The following TBL1X variants were observed in gnomAD, a reference collection of about 807,000 sequenced individuals.
TBL1X encodes the protein transducin beta like 1 X-linked, also known as F-box-like/WD repeat-containing protein TBL1X.
Under a neutral mutation model 50.7 loss-of-function variants are expected in TBL1X, and 10 were observed. The ratio of observed to expected loss-of-function variants is 0.20; its 90% CI spans 0.12 to 0.33. TBL1X has a LOEUF of 0.33. TBL1X is among the 10% of genes least tolerant of loss of function. The pLI, the probability that TBL1X is intolerant of heterozygous loss-of-function variation, is 1.00. For synonymous variants in TBL1X, 190 were observed against 214.7 expected (o/e 0.88, Z 1.01); for missense variants, 340 against 504.4 (o/e 0.67, Z 3.12).
At chrX:9,591,783 T>C (rs889803373) in intron 2 of TBL1X, among the ~76,000 whole-genome samples, 7 of 111,654 alleles carry the variant, frequency 6.3e-5, no homozygotes, top group Middle Eastern at 4.7e-3. Flanking sequence ...GAGGAAGGCA[T>C]CCTTGGCTAA....
At chrX:9,709,585 G>A (rs746708481) in intron 14 of TBL1X, 48 bp from the exon 15 acceptor site, 7 of 1,199,171 alleles carry the variant, frequency 5.8e-6, no homozygotes, top group Admixed American at 4.4e-5. Flanking sequence ...CATCGTTCCC[G>A]GATGCAGGAA....
chrX:9,551,925 G>GC (rs1446489523), intron 2 of TBL1X, among the ~76,000 whole-genome samples: 1 of 111,983 alleles, frequency 8.9e-6, no homozygotes, highest in Non-Finnish European at 1.9e-5. Flanking sequence ...AGGGGGCAGA[G>GC]CTAGTGCAGG....
chrX:9,673,891 A>G (rs1379802508), intron 5 of TBL1X, among the ~76,000 whole-genome samples: 1 of 111,277 alleles, frequency 9.0e-6, no homozygotes, highest in Non-Finnish European at 1.9e-5. Flanking sequence ...ACATAGTGAA[A>G]CCCCATCTCT....
At chrX:9,565,227 G>C in intron 2 of TBL1X, among the ~76,000 whole-genome samples, 1 of 88,771 alleles carries the variant, frequency 1.1e-5, no homozygotes. Flanking sequence ...AGCCAAGATG[G>C]CGCCACTGCA....
At chrX:9,698,366 C>T (rs1365165210) in intron 12 of TBL1X, among the ~76,000 whole-genome samples, 6 of 111,452 alleles carry the variant, frequency 5.4e-5, no homozygotes, top group Non-Finnish European at 1.1e-4. Flanking sequence ...ACTCAACATA[C>T]TCACAGCTAA....
At chrX:9,657,165 C>G (rs898716547) in intron 5 of TBL1X, among the ~76,000 whole-genome samples, 3 of 112,003 alleles carry the variant, frequency 2.7e-5, no homozygotes, top group African/African-American at 9.7e-5. Flanking sequence ...CCCTCCTTAC[C>G]TGTGTGTGGC....
chrX:9,693,440 C>T (rs1201939563), intron 11 of TBL1X, 21 bp downstream of exon 11: 3 of 1,161,479 alleles, frequency 2.6e-6, no homozygotes, highest in Admixed American at 4.5e-5. Context: ...GCTGAAAATA[C>T]ATCCCTTTGA....
At chrX:9,698,185 G>A (rs1279253721) in intron 12 of TBL1X, among the ~76,000 whole-genome samples, 1 of 111,315 alleles carries the variant, frequency 9.0e-6, no homozygotes, top group Non-Finnish European at 1.9e-5. Flanking sequence ...CTTAAGGTTT[G>A]CAAGATAGAG....
intron 2 of TBL1X, among the ~76,000 whole-genome samples, chrX:9,560,154 C>T (rs5979116): frequency 0.014 from 1,586 of 112,061 alleles, 22 homozygotes; most frequent in African/African-American, 0.049. Context: ...TGGAGTTCCA[C>T]GACAAAGGCA....
intron 5 of TBL1X, among the ~76,000 whole-genome samples, chrX:9,682,824 A>G (rs2083033490): frequency 8.9e-6 from 1 of 112,038 alleles, no homozygotes; most frequent in Non-Finnish European, 1.9e-5. Flanking sequence ...CCAGGGAGGT[A>G]GAGTGGCTGC....
At chrX:9,547,949 A>G (rs1413032734) in intron 2 of TBL1X, among the ~76,000 whole-genome samples, 1 of 98,037 alleles carries the variant, frequency 1.0e-5, no homozygotes, top group Non-Finnish European at 2.0e-5. Flanking sequence ...TCTGCTGCCT[A>G]CAGCAACAAC....
At chrX:9,634,133 G>A (rs776568268) in intron 2 of TBL1X, among the ~76,000 whole-genome samples, 1 of 111,659 alleles carries the variant, frequency 9.0e-6, no homozygotes, top group African/African-American at 3.3e-5. Context: ...CACTCACGAC[G>A]CACAATAGCT....
At chrX:9,600,466 G>GGGC (rs1368593535) in intron 2 of TBL1X, among the ~76,000 whole-genome samples, 11 of 78,869 alleles carry the variant, frequency 1.4e-4, no homozygotes, top group Non-Finnish European at 2.4e-4. Flanking sequence ...GGAATTTGGT[G>GGGC]GGCGGGGGGG....
intron 5 of TBL1X, among the ~76,000 whole-genome samples, chrX:9,663,808 C>G (rs756587374): frequency 1.8e-5 from 2 of 108,602 alleles, no homozygotes; most frequent in African/African-American, 6.7e-5. Context: ...TATATGATTC[C>G]ATTTATAGGA....
chrX:9,465,351 C>T lies in TBL1X; in HGVS notation c.-297C>T, dbSNP rs2081764527. On this transcript the variant is annotated 5_prime_UTR_variant, in exon 1 of 18. Coordinates refer to ENST00000645353, the MANE Select transcript of TBL1X (RefSeq NM_005647.4). The stretch of plus-strand genomic sequence containing the variant: ...TCCGGGGCGCCGGGCCCTCTTCGGC[C>T]GCCGCACGGCCGGGACTCGGAGGCT... 1 of 108,801 alleles carries T rather than the reference C, an allele frequency of 9.2e-6. No individual in the cohort carries two copies. The highest frequency in any genetic ancestry group is 3.3e-5 in the African/African-American group (1 of 30,481). The allele number at this position is 108,801 out of a possible 1,213,427, so 9.0% of individuals were successfully genotyped here.
chrX:9,665,488 GCTATATATATATATATATATATAT>G (rs2082922416), intron 5 of TBL1X, among the ~76,000 whole-genome samples: 1 of 15,065 alleles, frequency 6.6e-5, no homozygotes, highest in East Asian at 2.8e-3. Flanking sequence ...TGATATTCAA[GCTATATATATATATATATATATAT>G]ATATATATAT....
At chrX:9,486,093 C>T (rs1440652888) in intron 1 of TBL1X, among the ~76,000 whole-genome samples, 1 of 110,525 alleles carries the variant, frequency 9.0e-6, no homozygotes. Flanking sequence ...CAGCCGACAG[C>T]ATTTAACACA....
At chrX:9,524,472 C>T (rs1241133329) in intron 2 of TBL1X, among the ~76,000 whole-genome samples, 1 of 112,145 alleles carries the variant, frequency 8.9e-6, no homozygotes, top group Non-Finnish European at 1.9e-5. Context: ...TACGTGGAAT[C>T]CTACACTATG....
chrX:9,675,154 A>C (rs2082985735), intron 5 of TBL1X, among the ~76,000 whole-genome samples: 1 of 112,309 alleles, frequency 8.9e-6, no homozygotes, highest in Non-Finnish European at 1.9e-5. Context: ...CCTTTTCTCC[A>C]GCAGCTTGAG....
Sources: allele counts gnomAD v4.1 joint callset (sites outside exome capture counted in the v4.1 genomes callset), GRCh38; gene constraint gnomAD v4.1.1; transcripts MANE v1.5; gene names NCBI Gene and HGNC (gene_info 2026-07-23, HGNC 2026-07-21).